Variants in ORC4 observed in about 807,000 individuals in gnomAD.
ORC4 encodes the protein origin recognition complex, subunit 4 homolog.
A neutral mutation model predicts 63.9 loss-of-function variants in ORC4; 55 were observed. The ratio of observed to expected loss-of-function variants is 0.86; its 90% CI spans 0.69 to 1.08. The LOEUF is 1.08. Among genes scored for constraint, ORC4 ranks in the 50% least tolerant of loss-of-function variants. The pLI, the probability that ORC4 is intolerant of heterozygous loss-of-function variation, is 0.00. For missense variants in ORC4, 511 were observed against 504.4 expected (o/e 1.01, Z -0.13); for synonymous variants, 150 against 168.5 (o/e 0.89, Z 0.85).
chr2:147,958,265 T>G, intron 6 of ORC4, 33 bp downstream of exon 6: 1 of 1,341,612 alleles, frequency 7.5e-7, no homozygotes, highest in Non-Finnish European at 1.1e-6. Context: ...ACCTTAAAAG[T>G]CTATTTAATA....
Position 148,015,072 on chromosome 2 carries a change from T to C in ORC4, c.-18+5561A>G, listed in dbSNP as rs188643758. Among the ~76,000 whole-genome samples the C allele has an allele frequency of 2.1e-4, 32 of 151,390 alleles. 1 individual carries two copies. The highest frequency in any genetic ancestry group is 1.4e-3 in the East Asian group (7 of 5,120). ...CAAGATAAAGAATGCCACACGATGA[T>C]TGAACATTTCCTCTACCCCCACAAC... is the stretch of plus-strand genomic sequence containing the variant. On this transcript the variant is annotated intron_variant, in intron 1 of 13. Transcript: ENST00000392857.
intron 1 of ORC4, among the ~76,000 whole-genome samples, chr2:148,019,773 A>C (rs1188503664): frequency 6.6e-6 from 1 of 152,252 alleles, no homozygotes; most frequent in Non-Finnish European, 1.5e-5. Flanking sequence ...ATGAAAAAGA[A>C]CCAGCACTGT....
rs1340637962 is a variant in ORC4, at chr2:147,932,121, A to G, written c.*3389T>C. The stretch of plus-strand genomic sequence containing the variant: ...CTTCAGCAAAGTCTCAGGATACAAA[A>G]TCAATGTACAAAAATCACAAGCATT... On this transcript the variant is annotated 3_prime_UTR_variant, in exon 14 of 14. Transcript: ENST00000392857. The G allele has an allele frequency of 4.0e-5, 6 of 149,908 alleles. No homozygotes were observed. Among genetic ancestry groups the G allele is most frequent in the Admixed American group, 1.3e-4 (2 of 15,040 alleles). 9.3% of individuals were successfully genotyped at this position (149,908 alleles called of 1,614,324 possible).
chr2:147,993,715 G>C (rs949785865), intron 1 of ORC4, among the ~76,000 whole-genome samples: 36 of 152,206 alleles, frequency 2.4e-4, no homozygotes, highest in African/African-American at 8.4e-4. Context: ...CTAAAAATTA[G>C]GGGGTTGGGG....
At chr2:148,006,231 G>A (rs1037390640) in intron 1 of ORC4, among the ~76,000 whole-genome samples, 6 of 152,144 alleles carry the variant, frequency 3.9e-5, no homozygotes, top group African/African-American at 1.4e-4. Context: ...CTCTGTAACA[G>A]CAGAACACAA....
At chr2:147,941,517 A>AT (rs929247347) in intron 10 of ORC4, among the ~76,000 whole-genome samples, 21 of 152,120 alleles carry the variant, frequency 1.4e-4, no homozygotes, top group Admixed American at 1.2e-3. Flanking sequence ...TAATTGTAGT[A>AT]TTTCTCTGGT....
chr2:148,019,285 T>C (rs940403765), intron 1 of ORC4, among the ~76,000 whole-genome samples: 4 of 152,154 alleles, frequency 2.6e-5, no homozygotes, highest in African/African-American at 9.7e-5. Flanking sequence ...TAACTGATAG[T>C]GTACACCTAA....
At chr2:147,990,559 A>G (rs1304476418) in intron 1 of ORC4, among the ~76,000 whole-genome samples, 1 of 152,236 alleles carries the variant, frequency 6.6e-6, no homozygotes, top group Non-Finnish European at 1.5e-5. Flanking sequence ...TGCTATCTAT[A>G]TCAAGTTGGG....
At chr2:147,963,970 G>A (rs1573800714) in intron 4 of ORC4, among the ~76,000 whole-genome samples, 1 of 152,012 alleles carries the variant, frequency 6.6e-6, no homozygotes, top group East Asian at 1.9e-4. Flanking sequence ...ACTTCCTTAC[G>A]AGATCAATTC....
chr2:147,967,106 T>C (rs757082293), intron 4 of ORC4, among the ~76,000 whole-genome samples: 1 of 151,894 alleles, frequency 6.6e-6, no homozygotes, highest in Admixed American at 6.6e-5. Context: ...TCTCAATGGA[T>C]GCAGAAAAAA....
At chr2:147,981,321 C>T (rs1261256885) in intron 1 of ORC4, among the ~76,000 whole-genome samples, 2 of 152,104 alleles carry the variant, frequency 1.3e-5, no homozygotes, top group Non-Finnish European at 2.9e-5. Flanking sequence ...ATACGCTGGA[C>T]GAAGAAATTA....
chr2:147,994,515 G>A (rs868695836), intron 1 of ORC4, among the ~76,000 whole-genome samples: 1 of 152,186 alleles, frequency 6.6e-6, no homozygotes, highest in African/African-American at 2.4e-5. Context: ...GAACAAAACA[G>A]AGCCCAGAAA....
intron 6 of ORC4, among the ~76,000 whole-genome samples, chr2:147,956,687 G>A (rs954642319): frequency 6.6e-6 from 1 of 151,850 alleles, no homozygotes; most frequent in Non-Finnish European, 1.5e-5. Context: ...TATGTATATC[G>A]TATCATGTTT....
chr2:147,991,401 T>C (rs377604391), intron 1 of ORC4, among the ~76,000 whole-genome samples: 2 of 152,292 alleles, frequency 1.3e-5, no homozygotes, highest in East Asian at 3.9e-4. Flanking sequence ...TATTAGAGCC[T>C]TGATATTCAT....
chr2:148,016,324 G>C (rs901107162), intron 1 of ORC4, among the ~76,000 whole-genome samples: 2 of 152,174 alleles, frequency 1.3e-5, no homozygotes, highest in African/African-American at 4.8e-5. Flanking sequence ...ACTGTTTGCT[G>C]GTCTGCTGCC....
chr2:147,957,605 T>A (rs557399615), intron 6 of ORC4, among the ~76,000 whole-genome samples: 27 of 152,168 alleles, frequency 1.8e-4, no homozygotes, highest in Non-Finnish European at 3.4e-4. Flanking sequence ...TTTACTGATG[T>A]TGTTCACTGC....
chr2:147,988,829 A>T, intron 1 of ORC4, among the ~76,000 whole-genome samples: 1 of 151,882 alleles, frequency 6.6e-6, no homozygotes, highest in East Asian at 1.9e-4. Flanking sequence ...CTGGAATTTT[A>T]AAATAAAAGT....
At chr2:148,013,121 G>C (rs1450018751) in intron 1 of ORC4, among the ~76,000 whole-genome samples, 2 of 152,056 alleles carry the variant, frequency 1.3e-5, no homozygotes, top group African/African-American at 4.8e-5. Context: ...TATATAAAAG[G>C]TATCTGTACT....
At chr2:147,945,141 G>A (rs1175599439) in intron 9 of ORC4, among the ~76,000 whole-genome samples, 5 of 151,980 alleles carry the variant, frequency 3.3e-5, no homozygotes, top group African/African-American at 7.2e-5. Flanking sequence ...TGGTAAAATC[G>A]GAGCACTTAG....
Sources: allele counts gnomAD v4.1 joint callset (sites outside exome capture counted in the v4.1 genomes callset), GRCh38; gene constraint gnomAD v4.1.1; transcripts MANE v1.5; gene names NCBI Gene and HGNC (gene_info 2026-07-23, HGNC 2026-07-21).